SLC45A2: variants seen among roughly 807,000 people sequenced by gnomAD.
SLC45A2 encodes solute carrier family 45 member 2, also known as membrane-associated transporter protein.
A neutral mutation model predicts 45.5 loss-of-function variants in SLC45A2; 36 were observed. The observed-to-expected ratio is 0.79, with a 90% CI of 0.61 to 1.04. The LOEUF is 1.04. Among genes scored for constraint, SLC45A2 ranks in the 50% least tolerant of loss-of-function variants. The probability of loss-of-function intolerance (pLI) is 0.00; values close to 1 mark genes in which losing one functional copy is unlikely to be tolerated. For synonymous variants in SLC45A2, 306 were observed against 269.3 expected (o/e 1.14, Z -1.33); for missense variants, 719 against 671.0 (o/e 1.07, Z -0.79).
At chr5:33,949,491 T>G (rs1490603775) in intron 5 of SLC45A2, among the ~76,000 whole-genome samples, 3 of 152,146 alleles carry the variant, frequency 2.0e-5, no homozygotes, top group African/African-American at 7.2e-5. Context: ...AAAGTCTGCA[T>G]AGTGGGTCAT....
At chr5:33,957,664 T>C (rs1752315675) in intron 3 of SLC45A2, among the ~76,000 whole-genome samples, 1 of 152,178 alleles carries the variant, frequency 6.6e-6, no homozygotes. Context: ...CAGCTAACAA[T>C]AGCCCAAGAA....
rs186367851 is a variant in SLC45A2 at position 33,971,445 on chromosome 5, T to C, written c.563-7429A>G. ...CTGGACTGCAACTTTTTTCCTTTTT[T>C]TTTGTTTTTTGGAGACAGGGTCTCA... On this transcript the variant is annotated intron_variant, in intron 2 of 6. Coordinates refer to ENST00000296589, the MANE Select transcript of SLC45A2 (RefSeq NM_016180.5). 706 of 425,946 alleles carry C rather than the reference T, an allele frequency of 1.7e-3. 1 individual carries two copies. The highest frequency in any genetic ancestry group is 0.013 in the African/African-American group (632 of 48,516). 26.4% of individuals were successfully genotyped at this position (425,946 alleles called of 1,614,324 possible).
intron 3 of SLC45A2, among the ~76,000 whole-genome samples, chr5:33,956,403 T>C (rs919094650): frequency 3.9e-5 from 6 of 152,034 alleles, no homozygotes; most frequent in African/African-American, 1.4e-4. Flanking sequence ...GAGGTAGAAT[T>C]GGTCCAGTCA....
chr5:33,949,907 G>A (rs1752046617), intron 5 of SLC45A2, among the ~76,000 whole-genome samples: 1 of 152,058 alleles, frequency 6.6e-6, no homozygotes, highest in Non-Finnish European at 1.5e-5. Context: ...TGAAGGTAGG[G>A]CTGGATGTAG....
At chr5:33,971,289 G>T (rs907314607) in intron 2 of SLC45A2, 2 of 523,780 alleles carry the variant, frequency 3.8e-6, no homozygotes, top group Non-Finnish European at 7.8e-6. Context: ...ATAGATGTGG[G>T]AATTGAGGGG....
chr5:33,966,171 T>C (rs1752595494), intron 2 of SLC45A2, among the ~76,000 whole-genome samples: 1 of 152,180 alleles, frequency 6.6e-6, no homozygotes, highest in Admixed American at 6.5e-5. Flanking sequence ...GGAAAAAATA[T>C]AAGGATATGC....
At chr5:33,945,344 G>T (rs1561352909) in intron 6 of SLC45A2, among the ~76,000 whole-genome samples, 1 of 152,146 alleles carries the variant, frequency 6.6e-6, no homozygotes, top group Non-Finnish European at 1.5e-5. Flanking sequence ...CTTTCTTAGT[G>T]TTAAAAATTC....
intron 2 of SLC45A2, among the ~76,000 whole-genome samples, chr5:33,966,471 T>C (rs1752607695): frequency 7.0e-6 from 1 of 142,772 alleles, no homozygotes; most frequent in Admixed American, 7.2e-5. Context: ...TCTCGCTCTG[T>C]CGCCCAGGCC....
chr5:33,979,599 T>C (rs994367214), intron 2 of SLC45A2, among the ~76,000 whole-genome samples: 1 of 152,172 alleles, frequency 6.6e-6, no homozygotes, highest in Admixed American at 6.5e-5. Context: ...TAAATGTATA[T>C]TGGGGTGAAA....
intron 2 of SLC45A2, among the ~76,000 whole-genome samples, chr5:33,981,130 T>A (rs1354213157): frequency 6.6e-6 from 1 of 152,156 alleles, no homozygotes; most frequent in African/African-American, 2.4e-5. Flanking sequence ...TAGGTGCCTT[T>A]AAACACCTGG....
chr5:33,977,695 G>C (rs1752968958), intron 2 of SLC45A2, among the ~76,000 whole-genome samples: 1 of 152,166 alleles, frequency 6.6e-6, no homozygotes, highest in African/African-American at 2.4e-5. Flanking sequence ...CAGTGGTAGA[G>C]GAGTGAGGGA....
At chr5:33,959,132 T>C (rs925979465) in intron 3 of SLC45A2, among the ~76,000 whole-genome samples, 3 of 152,208 alleles carry the variant, frequency 2.0e-5, no homozygotes, top group Non-Finnish European at 4.4e-5. Context: ...AATTAAAGCT[T>C]CCTGTGAGCC....
At chr5:33,946,601 G>T (rs745727252) in intron 6 of SLC45A2, 1 of 1,003,146 alleles carries the variant, frequency 1.0e-6, no homozygotes, top group Non-Finnish European at 1.2e-6. Context: ...CCCGCTCAGG[G>T]CAGCAAAGTG....
chr5:33,945,790 T>C (rs1253247648), intron 6 of SLC45A2: 13 of 264,008 alleles, frequency 4.9e-5, no homozygotes. Context: ...TTTCCTACAC[T>C]ATTAGGCAAA....
At chr5:33,950,593 C>T (rs1479174643) in intron 5 of SLC45A2, among the ~76,000 whole-genome samples, 2 of 152,150 alleles carry the variant, frequency 1.3e-5, no homozygotes, top group Non-Finnish European at 2.9e-5. Flanking sequence ...AAGGGGCCCT[C>T]ACATACATCC....
Position 33,952,674 on chromosome 5 carries a change from G to GT in SLC45A2, c.1033-998dup, listed in dbSNP as rs35919837. Among the ~76,000 whole-genome samples the GT allele has an allele frequency of 5.0e-4, 67 of 134,222 alleles. 1 individual carries two copies. The highest frequency in any genetic ancestry group is 4.0e-3 in the East Asian group (18 of 4,526). The allele number at this position is 134,222 out of a possible 152,430, so 88.1% of individuals were successfully genotyped here. ...ACAAGTTAATTTCTATTGAGCAAAAGTTTTTTTTTTTTTTTTAATTTTTTT... is the reference window on the plus strand; with the variant it reads ...ACAAGTTAATTTCTATTGAGCAAAAGTTTTTTTTTTTTTTTTTAATTTTTTT... On this transcript the variant is annotated intron_variant, in intron 4 of 6. Coordinates refer to ENST00000296589, the MANE Select transcript of SLC45A2 (RefSeq NM_016180.5).
rs868565204 is a variant in SLC45A2, at chr5:33,953,651, C to T, written c.1032+710G>A. 4.2e-3 allele frequency among the ~76,000 whole-genome samples: 565 copies of T among 134,076 alleles called. 5 individuals are homozygous for T. The highest frequency in any genetic ancestry group is 0.028 in the Middle Eastern group (8 of 282). 88.0% of individuals were successfully genotyped at this position (134,076 alleles called of 152,430 possible). A position where few individuals can be genotyped will look rare whatever the true frequency, so the allele number is the denominator to read the frequency against. On this transcript the variant is annotated intron_variant, in intron 4 of 6. Coordinates refer to ENST00000296589, the MANE Select transcript of SLC45A2 (RefSeq NM_016180.5). ...CGAGACTAGGAAGAAACTGCATCAA[C>T]TAATGAGCAAAATCACCAGCTAACA...
chr5:33,978,287 A>G lies in SLC45A2; in HGVS notation c.562+3949T>C, dbSNP rs149234478. Reference sequence around the variant, plus strand: ...CAACCTGACTCTGGTATACCATCACATGACAGATAACAGACCCTGAAGAAA... The same window carrying G: ...CAACCTGACTCTGGTATACCATCACGTGACAGATAACAGACCCTGAAGAAA... On this transcript the variant is annotated intron_variant, in intron 2 of 6. Transcript: ENST00000296589. 2.3e-3 allele frequency among the ~76,000 whole-genome samples: 348 copies of G among 152,338 alleles called. 2 individuals are homozygous for G. Among genetic ancestry groups the G allele is most frequent in the South Asian group, 5.4e-3 (26 of 4,832 alleles).
intron 2 of SLC45A2, among the ~76,000 whole-genome samples, chr5:33,965,793 C>G (rs1752587274): frequency 6.6e-6 from 1 of 152,152 alleles, no homozygotes; most frequent in African/African-American, 2.4e-5. Context: ...AAGCAATCAA[C>G]CAATAAGAAT....
Sources: allele counts gnomAD v4.1 joint callset (sites outside exome capture counted in the v4.1 genomes callset), GRCh38; gene constraint gnomAD v4.1.1; transcripts MANE v1.5; gene names NCBI Gene and HGNC (gene_info 2026-07-23, HGNC 2026-07-21).